The following KIAA0319L variants were observed in gnomAD, a reference collection of about 807,000 sequenced individuals.
KIAA0319L encodes KIAA0319 like.
KIAA0319L carries 55 observed loss-of-function variants against 120.1 expected under a neutral mutation model. That is an observed-to-expected ratio of 0.46 (90% CI 0.37 to 0.57). The LOEUF (loss-of-function observed/expected upper bound fraction) is 0.57. KIAA0319L is among the 20% of genes least tolerant of loss of function. KIAA0319L has a pLI of 0.00. For synonymous variants in KIAA0319L, 398 were observed against 471.9 expected (o/e 0.84, Z 2.03); for missense variants, 1,049 against 1,255.3 (o/e 0.84, Z 2.48).
chr1:35,497,816 C>T (rs1258786881), intron 3 of KIAA0319L, among the ~76,000 whole-genome samples: 12 of 152,186 alleles, frequency 7.9e-5, no homozygotes, highest in Admixed American at 7.9e-4. Flanking sequence ...AAATAAGTAT[C>T]ATCTCACCAT....
intron 2 of KIAA0319L, among the ~76,000 whole-genome samples, chr1:35,548,793 C>T (rs1304814688): frequency 1.3e-5 from 2 of 152,016 alleles, no homozygotes; most frequent in East Asian, 1.9e-4. Context: ...ACCAGCTTTG[C>T]TCTTTATATT....
rs1047477201 is a variant in KIAA0319L, at chr1:35,506,131, C to T, written c.666+481G>A. ...GAGACCTCTTGGCTAATGGCCACATCCTGCTCCACAGCCCAGCAGGTCAGA... is the reference window on the plus strand; with the variant it reads ...GAGACCTCTTGGCTAATGGCCACATTCTGCTCCACAGCCCAGCAGGTCAGA... On this transcript the variant is annotated intron_variant, in intron 3 of 20. Transcript: ENST00000325722. The surrounding 1 kb of genome is among the most constrained non-coding windows in gnomAD (Gnocchi z 4.0). Among the ~76,000 whole-genome samples the T allele has an allele frequency of 9.2e-5, 14 of 152,222 alleles. No individual in the cohort carries two copies. The highest frequency in any genetic ancestry group is 3.3e-4 in the Admixed American group (5 of 15,282).
At chr1:35,510,172 T>C (rs982342894) in intron 2 of KIAA0319L, 2 of 152,140 alleles carry the variant, frequency 1.3e-5, no homozygotes, top group Non-Finnish European at 2.9e-5. Context: ...CCCATAAATA[T>C]AAAGAATGTG....
intron 2 of KIAA0319L, among the ~76,000 whole-genome samples, chr1:35,534,034 T>C (rs542115628): frequency 3.5e-4 from 54 of 152,294 alleles, no homozygotes; most frequent in African/African-American, 1.3e-3. Context: ...AAAGCCAAGG[T>C]AATAACCATT....
intron 2 of KIAA0319L, among the ~76,000 whole-genome samples, chr1:35,547,374 T>C (rs1423663490): frequency 6.6e-6 from 1 of 151,234 alleles, no homozygotes; most frequent in South Asian, 2.1e-4. Flanking sequence ...TGTAAATACA[T>C]GTATTTATAT....
At chr1:35,549,445 C>G (rs1647115617) in intron 2 of KIAA0319L, among the ~76,000 whole-genome samples, 1 of 152,076 alleles carries the variant, frequency 6.6e-6, no homozygotes, top group African/African-American at 2.4e-5. Flanking sequence ...AGTAAGTTCT[C>G]AAAAAATGGT....
Position 35,506,962 on chromosome 1 carries a change from T to C in KIAA0319L, c.316A>G (p.Ile106Val), listed in dbSNP as rs748440748. The change falls in exon 3 of 21, where the codon ATT becomes GTT. Residue 106 changes from isoleucine to valine, a missense_variant. Physicochemically the swap from Ile to Val is conservative, Grantham distance 29. Transcript: ENST00000325722. This position sits in a 1 kb window ranked among gnomAD's most constrained non-coding sequence, Gnocchi z 4.0. Reference sequence around the variant, plus strand: ...TGGGGCCTGCTGCAGTCTGCCTGAATGCACATCCCTTCTAGCCACCAAAAG... The same window carrying C: ...TGGGGCCTGCTGCAGTCTGCCTGAACGCACATCCCTTCTAGCCACCAAAAG... ...HVFWWLEGMC[I>V]QADCSRPQSC... 6 of 1,613,820 alleles carry C rather than the reference T, an allele frequency of 3.7e-6. No individual in the cohort carries two copies. The highest frequency in any genetic ancestry group is 5.1e-6 in the Non-Finnish European group (6 of 1,179,890).
intron 2 of KIAA0319L, among the ~76,000 whole-genome samples, chr1:35,518,557 G>T (rs967980525): frequency 2.0e-5 from 3 of 152,122 alleles, no homozygotes; most frequent in Non-Finnish European, 4.4e-5. Context: ...CTACTTGAGG[G>T]TAGAGGTGAG....
At chr1:35,551,507 C>T (rs1237726828) in intron 2 of KIAA0319L, among the ~76,000 whole-genome samples, 6 of 152,038 alleles carry the variant, frequency 3.9e-5, no homozygotes, top group African/African-American at 9.7e-5. Flanking sequence ...TTAGTAGAGA[C>T]GGCGTTTCAC....
intron 19 of KIAA0319L, 31 bp from the exon 20 acceptor site, chr1:35,441,169 G>A (rs750034442): frequency 6.3e-7 from 1 of 1,596,254 alleles, no homozygotes; most frequent in Non-Finnish European, 8.6e-7. Flanking sequence ...CCCTGCTCAG[G>A]AAAGAGGTTC....
At chr1:35,526,294 T>C (rs985391901) in intron 2 of KIAA0319L, among the ~76,000 whole-genome samples, 3 of 147,652 alleles carry the variant, frequency 2.0e-5, no homozygotes, top group Admixed American at 6.8e-5. Flanking sequence ...AAAACCCACA[T>C]ATATATGTAC....
chr1:35,435,034 C>G lies in KIAA0319L; in HGVS notation c.3010G>C (p.Glu1004Gln). ...GCATCATCGCTGTCCAGCTCTGACT[C>G]GGAGTGCATCAGGCTGCTACTTAGC... ...LLLSSSLMHS[E>Q]SELDSDDAIF... is the part of the protein sequence containing the mutation. The change falls in exon 21 of 21, where the codon GAG (glutamate) becomes CAG (glutamine). Residue 1004 changes from glutamate (E) to glutamine (Q), a missense_variant. Coordinates refer to ENST00000325722, the MANE Select transcript of KIAA0319L (RefSeq NM_024874.5). The G allele has an allele frequency of 6.2e-7, 1 of 1,614,192 alleles. No homozygotes were observed. Among genetic ancestry groups the G allele is most frequent in the South Asian group, 1.1e-5 (1 of 91,086 alleles).
At chr1:35,455,071 A>G (rs1642344635) in intron 10 of KIAA0319L, among the ~76,000 whole-genome samples, 2 of 152,252 alleles carry the variant, frequency 1.3e-5, no homozygotes, top group African/African-American at 4.8e-5. Context: ...GAGGGACATT[A>G]TAAATAATTT....
At chr1:35,547,330 A>C (rs1647022239) in intron 2 of KIAA0319L, among the ~76,000 whole-genome samples, 1 of 150,096 alleles carries the variant, frequency 6.7e-6, no homozygotes, top group Non-Finnish European at 1.5e-5. Flanking sequence ...TTATATATAT[A>C]TATACACATG....
intron 2 of KIAA0319L, chr1:35,510,068 A>T (rs1379014982): frequency 2.0e-5 from 3 of 152,300 alleles, no homozygotes; most frequent in Admixed American, 2.0e-4. Flanking sequence ...TTCCACAGAG[A>T]TGCGGTGCTA....
chr1:35,548,938 G>A (rs1401077946), intron 2 of KIAA0319L, among the ~76,000 whole-genome samples: 2 of 152,082 alleles, frequency 1.3e-5, no homozygotes, highest in Admixed American at 6.5e-5. Flanking sequence ...ACTCTGTTCA[G>A]GCATCAGCTT....
intron 6 of KIAA0319L, 135 bp from the exon 7 acceptor site, chr1:35,466,830 G>A (rs1643295389): frequency 1.0e-5 from 7 of 668,218 alleles, no homozygotes. Context: ...AAAAGGTAAA[G>A]TAGCCTGTAA....
intron 1 of KIAA0319L, among the ~76,000 whole-genome samples, chr1:35,556,268 T>C (rs1216606977): frequency 6.6e-6 from 1 of 152,238 alleles, no homozygotes; most frequent in Non-Finnish European, 1.5e-5. Flanking sequence ...TACTTAATAC[T>C]TCAGGTTGAT....
chr1:35,504,756 G>C (rs577708654), intron 3 of KIAA0319L, among the ~76,000 whole-genome samples: 1 of 152,216 alleles, frequency 6.6e-6, no homozygotes, highest in South Asian at 2.1e-4. Context: ...GCCACTATCT[G>C]ATTATGTCAT....
Sources: allele counts gnomAD v4.1 joint callset (sites outside exome capture counted in the v4.1 genomes callset), GRCh38; gene constraint gnomAD v4.1.1; non-coding constraint Gnocchi (gnomAD v3.1); transcripts MANE v1.5; gene names NCBI Gene and HGNC (gene_info 2026-07-23, HGNC 2026-07-21).